The following SELENOI variants were observed in gnomAD, a reference collection of about 807,000 sequenced individuals.
SELENOI encodes the protein selenoprotein I.
In SELENOI, 24 loss-of-function variants were observed where a neutral mutation model predicts 50.7. The ratio of observed to expected loss-of-function variants is 0.47; its 90% confidence interval spans 0.34 to 0.67. SELENOI has a LOEUF of 0.67. SELENOI is among the 30% of genes least tolerant of loss of function. The pLI is 0.01. For missense variants in SELENOI, 352 were observed against 461.4 expected (o/e 0.76, Z 2.17); for synonymous variants, 155 against 170.2 (o/e 0.91, Z 0.70).
intron 6 of SELENOI, among the ~76,000 whole-genome samples, chr2:26,378,031 G>T (rs77033660): frequency 6.6e-6 from 1 of 151,910 alleles, no homozygotes; most frequent in Non-Finnish European, 1.5e-5. Flanking sequence ...AGTAGCTCTT[G>T]TCTCTGTTTG....
intron 5 of SELENOI, among the ~76,000 whole-genome samples, chr2:26,374,070 G>T (rs1677515967): frequency 6.6e-6 from 1 of 152,002 alleles, no homozygotes; most frequent in Admixed American, 6.6e-5. Context: ...TTATTTTAAA[G>T]GAAATTTCTG....
At chr2:26,354,125 C>T (rs1279146718) in intron 1 of SELENOI, among the ~76,000 whole-genome samples, 3 of 152,128 alleles carry the variant, frequency 2.0e-5, no homozygotes, top group Admixed American at 1.3e-4. Context: ...GTGCCAGGCA[C>T]TGCTTTAAGT....
intron 1 of SELENOI, among the ~76,000 whole-genome samples, chr2:26,353,220 A>T (rs975205329): frequency 7.7e-4 from 117 of 152,230 alleles, no homozygotes; most frequent in African/African-American, 2.1e-3. Context: ...ATAATTTTTT[A>T]AAAAAATACA....
intron 1 of SELENOI, among the ~76,000 whole-genome samples, chr2:26,357,826 C>CCAAAA (rs1257821858): frequency 4.6e-5 from 7 of 152,120 alleles, no homozygotes; most frequent in African/African-American, 1.7e-4. Flanking sequence ...GTGCCCCCAC[C>CCAAAA]CAAATCTCAC....
intron 1 of SELENOI, among the ~76,000 whole-genome samples, chr2:26,356,526 TAAA>T (rs1677067968): frequency 1.3e-5 from 2 of 152,224 alleles, no homozygotes; most frequent in Admixed American, 1.3e-4. Flanking sequence ...ATTTCCTTCT[TAAA>T]TTAAGGGGGA....
rs1678062828 is a variant in SELENOI, at chr2:26,395,160, A to G, written c.*6057A>G. ...GTGTATGCCTATTTAATATGTACACATATATTCACTACATATGTATGTATG... is the reference window on the plus strand; with the variant it reads ...GTGTATGCCTATTTAATATGTACACGTATATTCACTACATATGTATGTATG... On this transcript the variant is annotated 3_prime_UTR_variant, in exon 10 of 10. Coordinates refer to ENST00000260585, the MANE Select transcript of SELENOI (RefSeq NM_033505.4). 1 of 152,208 alleles carries G rather than the reference A, an allele frequency of 6.6e-6. No homozygotes were observed. The highest frequency in any genetic ancestry group is 1.5e-5 in the Non-Finnish European group (1 of 68,044). The allele number at this position is 152,208 out of a possible 1,614,324, so 9.4% of individuals were successfully genotyped here.
At chr2:26,349,608 T>G (rs1212993619) in intron 1 of SELENOI, among the ~76,000 whole-genome samples, 1 of 149,996 alleles carries the variant, frequency 6.7e-6, no homozygotes, top group Non-Finnish European at 1.5e-5. Context: ...GCCCAGCCCT[T>G]GGACAGGTCT....
chr2:26,387,465 TG>T (rs1677867309), intron 9 of SELENOI, among the ~76,000 whole-genome samples: 1 of 150,950 alleles, frequency 6.6e-6, no homozygotes. Context: ...CTGAGGCGGG[TG>T]GATCGCTTTA....
At chr2:26,350,629 A>G (rs992531828) in intron 1 of SELENOI, among the ~76,000 whole-genome samples, 8 of 152,342 alleles carry the variant, frequency 5.3e-5, no homozygotes, top group Admixed American at 1.3e-4. Flanking sequence ...CTTGTCTTCA[A>G]ATAACTCAGT....
chr2:26,373,557 C>A lies in SELENOI; in HGVS notation c.501C>A (p.Phe167Leu). 1 of 1,613,862 alleles carries A rather than the reference C, an allele frequency of 6.2e-7. No individual in the cohort carries two copies. Among genetic ancestry groups the A allele is most frequent in the Non-Finnish European group, 8.5e-7 (1 of 1,179,820 alleles). The change falls in exon 5 of 10, where the codon TTC becomes TTA. Residue 167 changes from phenylalanine (F) to leucine (L), a missense_variant. Physicochemically the swap from Phe to Leu is conservative, Grantham distance 22 (BLOSUM62 0). Coordinates refer to ENST00000260585, the MANE Select transcript of SELENOI (RefSeq NM_033505.4). The stretch of plus-strand genomic sequence containing the variant: ...TGCTATGGGTAGTTTTGTTTTCTTT[C>A]ATCCTGTCCCACTGGGAAAAGTATA... Reference protein sequence around the residue: ...YLLLWVVLFSFILSHWEKYNT... With the variant: ...YLLLWVVLFSLILSHWEKYNT...
chr2:26,383,830 C>T (rs532359258), intron 7 of SELENOI, among the ~76,000 whole-genome samples: 5 of 152,032 alleles, frequency 3.3e-5, no homozygotes, highest in South Asian at 4.2e-4. Flanking sequence ...GTCGAGATCG[C>T]GCCACTGCAC....
intron 1 of SELENOI, among the ~76,000 whole-genome samples, chr2:26,363,071 C>T (rs1393852055): frequency 6.6e-6 from 1 of 152,118 alleles, no homozygotes; most frequent in Non-Finnish European, 1.5e-5. Flanking sequence ...GAATAAGCTC[C>T]CTTACCGTAT....
chr2:26,383,788 T>C (rs1020316954), intron 7 of SELENOI, among the ~76,000 whole-genome samples: 2 of 151,976 alleles, frequency 1.3e-5, no homozygotes, highest in Non-Finnish European at 2.9e-5. Flanking sequence ...GCAGGAGAAT[T>C]GCTTGAACCT....
intron 1 of SELENOI, among the ~76,000 whole-genome samples, chr2:26,356,609 C>G (rs1677069332): frequency 6.6e-6 from 1 of 152,182 alleles, no homozygotes; most frequent in Non-Finnish European, 1.5e-5. Flanking sequence ...AGTCATTGTA[C>G]TGCTCCTAGA....
chr2:26,347,954 G>A (rs1332252958), intron 1 of SELENOI, among the ~76,000 whole-genome samples: 1 of 152,060 alleles, frequency 6.6e-6, no homozygotes, highest in Non-Finnish European at 1.5e-5. Context: ...GGAAAACAAA[G>A]GTCGATTTAG....
intron 1 of SELENOI, among the ~76,000 whole-genome samples, chr2:26,364,082 T>C: frequency 6.9e-6 from 1 of 145,506 alleles, no homozygotes; most frequent in African/African-American, 2.5e-5. Context: ...CTCCCCCTTT[T>C]TTTTTTTTTT....
Position 26,386,498 on chromosome 2 carries a change from G to A in SELENOI, c.1057G>A (p.Ala353Thr), listed in dbSNP as rs370903666. ...ESILLYTLTTAFTLAHIHYGV... is the reference protein window; with the variant it reads ...ESILLYTLTTTFTLAHIHYGV... Reference sequence around the variant, plus strand: ...CATTCTCCTGTATACATTAACAACTGCTTTTACTCTGGCCCACATCCATTA... The same window carrying A: ...CATTCTCCTGTATACATTAACAACTACTTTTACTCTGGCCCACATCCATTA... Residue 353 changes from alanine (A) to threonine (T), a missense_variant, in exon 9 of 10, where the codon GCT becomes ACT. By Grantham distance (58) the Ala-to-Thr change is moderately conservative. Coordinates refer to ENST00000260585, the MANE Select transcript of SELENOI (RefSeq NM_033505.4). The A allele has an allele frequency of 1.4e-5, 22 of 1,612,904 alleles. No individual in the cohort carries two copies. The highest frequency in any genetic ancestry group is 1.6e-5 in the Non-Finnish European group (19 of 1,179,564).
In SELENOI at chr2:26,367,163, G is replaced by A. The variant is rs371409296; in HGVS notation, c.253G>A (p.Val85Met). The change falls in exon 4 of 10, where the codon GTG becomes ATG. Residue 85 changes from valine (V) to methionine (M), a missense_variant. Val to Met is a conservative substitution (Grantham distance 21). Coordinates refer to ENST00000260585, the MANE Select transcript of SELENOI (RefSeq NM_033505.4). ...CTTTTCAGCACCAGGTCACAAGCAC[G>A]TGCCTGACTGGGTTTGGATTGTAGT... Reference protein sequence around the residue: ...FYASAPGHKHVPDWVWIVVGI... With the variant: ...FYASAPGHKHMPDWVWIVVGI... 6.2e-6 allele frequency: 10 copies of A among 1,610,504 alleles called. No homozygotes were observed. In the African/African-American group the frequency reaches 6.7e-5, roughly 11 times the overall value.
Position 26,381,198 on chromosome 2 carries a change from C to CTTTTTTTTTTTTTTTTTT in SELENOI, c.683-2087_683-2070dup, listed in dbSNP as rs57102834. Reference sequence around the variant, plus strand: ...TGGATTGTATCTCCTTCAGTTTGGTCTTTTTTTTTTTTTTTTTTTTTTTTT... The same window carrying CTTTTTTTTTTTTTTTTTT: ...TGGATTGTATCTCCTTCAGTTTGGTCTTTTTTTTTTTTTTTTTTTTTTTTTTTTTTTTTTTTTTTTTTT... On this transcript the variant is annotated intron_variant, in intron 6 of 9. Coordinates refer to ENST00000260585, the MANE Select transcript of SELENOI (RefSeq NM_033505.4). Among the ~76,000 whole-genome samples the CTTTTTTTTTTTTTTTTTT allele has an allele frequency of 6.0e-4, 18 of 30,198 alleles. 2 individuals carry two copies. The highest frequency in any genetic ancestry group is 2.2e-3 in the East Asian group (2 of 928). The allele number at this position is 30,198 out of a possible 152,430, so 19.8% of individuals were successfully genotyped here.
Sources: allele counts gnomAD v4.1 joint callset (sites outside exome capture counted in the v4.1 genomes callset), GRCh38; gene constraint gnomAD v4.1.1; transcripts MANE v1.5; gene names NCBI Gene and HGNC (gene_info 2026-07-23, HGNC 2026-07-21).